The following TRAPPC9 variants were observed in gnomAD, a reference collection of about 807,000 sequenced individuals.
TRAPPC9 encodes IKK2 binding protein.
Under a neutral mutation model 124.0 loss-of-function variants are expected in TRAPPC9, and 83 were observed. The ratio of observed to expected loss-of-function variants is 0.67; its 90% CI spans 0.56 to 0.80. The LOEUF (loss-of-function observed/expected upper bound fraction) is 0.80, where lower values mean the gene tolerates loss of function less well. Ranked by LOEUF, TRAPPC9 falls within the 30% of genes least tolerant of loss-of-function variation. TRAPPC9 has a pLI of 0.00. For synonymous variants in TRAPPC9, 638 were observed against 617.5 expected, an observed-to-expected ratio of 1.03 and a Z score of -0.49; for missense variants, 1,302 against 1,508.3, an observed-to-expected ratio of 0.86 and a Z score of 2.27.
chr8:139,830,678 CAT>C (rs1338553816), intron 21 of TRAPPC9, among the ~76,000 whole-genome samples: 1 of 152,096 alleles, frequency 6.6e-6, no homozygotes, highest in African/African-American at 2.4e-5. Context: ...CATGCACACA[CAT>C]ACACATGCAT....
intron 19 of TRAPPC9, among the ~76,000 whole-genome samples, chr8:139,958,427 C>T (rs1835140447): frequency 6.6e-6 from 1 of 152,218 alleles, no homozygotes; most frequent in Non-Finnish European, 1.5e-5. Flanking sequence ...TTTGCCGACC[C>T]CAGTTTCCAG....
At chr8:140,366,847 C>T (rs1490942492) in intron 8 of TRAPPC9, among the ~76,000 whole-genome samples, 1 of 152,022 alleles carries the variant, frequency 6.6e-6, no homozygotes, top group Non-Finnish European at 1.5e-5. Flanking sequence ...GACTGTCATC[C>T]AAATCATAGA....
chr8:139,759,868 G>A (rs975241139), intron 21 of TRAPPC9, among the ~76,000 whole-genome samples: 3 of 152,144 alleles, frequency 2.0e-5, no homozygotes, highest in East Asian at 1.9e-4. Context: ...GCAGCCTGCC[G>A]GCAGCCAGCA....
At chr8:140,100,520 T>C (rs541457055) in intron 17 of TRAPPC9, 10 of 152,370 alleles carry the variant, frequency 6.6e-5, no homozygotes, top group Admixed American at 3.3e-4. Flanking sequence ...CCCGCCCAGG[T>C]CTTCCATGTA....
chr8:140,351,760 G>A (rs1428685776), intron 9 of TRAPPC9, among the ~76,000 whole-genome samples: 3 of 152,204 alleles, frequency 2.0e-5, no homozygotes, highest in Admixed American at 2.0e-4. Flanking sequence ...AATACTCAGG[G>A]ATGACTGTGC....
chr8:140,083,507 A>G (rs749951824), intron 17 of TRAPPC9, among the ~76,000 whole-genome samples: 2 of 152,124 alleles, frequency 1.3e-5, no homozygotes, highest in Non-Finnish European at 2.9e-5. Context: ...CGAGAACCAC[A>G]GAGAGAAAGG....
intron 15 of TRAPPC9, among the ~76,000 whole-genome samples, chr8:140,267,603 T>TACC (rs2064725672): frequency 6.6e-6 from 1 of 152,216 alleles, no homozygotes; most frequent in African/African-American, 2.4e-5. Flanking sequence ...CTCCATGAAG[T>TACC]ACCACTCACC....
chr8:139,733,772 C>T (rs571706599), intron 21 of TRAPPC9, among the ~76,000 whole-genome samples: 13 of 152,360 alleles, frequency 8.5e-5, no homozygotes, highest in African/African-American at 2.4e-4. Context: ...CACCCTGCAG[C>T]GGAGGATCCT....
chr8:140,051,150 C>T (rs1030172203), intron 17 of TRAPPC9, among the ~76,000 whole-genome samples: 1 of 152,214 alleles, frequency 6.6e-6, no homozygotes, highest in Non-Finnish European at 1.5e-5. Flanking sequence ...GAGAGAAGTG[C>T]CTTCATTCCT....
At chr8:140,402,397 CAAA>C (rs34659339) in intron 6 of TRAPPC9, among the ~76,000 whole-genome samples, 1 of 140,206 alleles carries the variant, frequency 7.1e-6, no homozygotes, top group African/African-American at 2.7e-5. Context: ...GACCCTGTCT[CAAA>C]AAAAAAAAAA....
At chr8:140,270,781 C>A (rs1490284426) in intron 15 of TRAPPC9, among the ~76,000 whole-genome samples, 2 of 152,160 alleles carry the variant, frequency 1.3e-5, no homozygotes, top group Non-Finnish European at 2.9e-5. Context: ...ATGGCAGGAG[C>A]ATCCAGGAAG....
chr8:139,799,797 A>T (rs999703211), intron 21 of TRAPPC9, among the ~76,000 whole-genome samples: 3 of 152,226 alleles, frequency 2.0e-5, no homozygotes, highest in African/African-American at 7.2e-5. Context: ...CTGCAGTCCC[A>T]CGGGCTGGGG....
intron 17 of TRAPPC9, among the ~76,000 whole-genome samples, chr8:140,033,843 T>G (rs561667642): frequency 5.3e-5 from 8 of 151,790 alleles, no homozygotes; most frequent in Non-Finnish European, 8.8e-5. Flanking sequence ...CACCATACCT[T>G]GTTAATTTTT....
At chr8:139,832,212 G>A (rs1299354556) in intron 21 of TRAPPC9, among the ~76,000 whole-genome samples, 1 of 152,240 alleles carries the variant, frequency 6.6e-6, no homozygotes, top group Non-Finnish European at 1.5e-5. Context: ...CCCTGTGAGT[G>A]CACTTTCTAA....
chr8:140,300,546 T>C lies in TRAPPC9; in HGVS notation c.1691A>G (p.Asn564Ser), dbSNP rs770803518. The change falls in exon 11 of 23, where the codon AAC (asparagine) becomes AGC (serine). Residue 564 changes from asparagine to serine, a missense_variant. Transcript: ENST00000438773. Reference protein sequence around the residue: ...PHKMKSLLGQNVSTKSPFIYS... With the variant: ...PHKMKSLLGQSVSTKSPFIYS... The stretch of plus-strand genomic sequence containing the variant: ...GATGAAAGGACTTTTGGTTGACACG[T>C]TCTGACCCAGCAAGCTTTTCATTTT... 33 of 1,614,122 alleles carry C rather than the reference T, an allele frequency of 2.0e-5. No homozygotes were observed. The South Asian group carries it at 3.5e-4, about 17-fold the overall frequency.
chr8:140,357,507 AC>A (rs1357634598), intron 9 of TRAPPC9, among the ~76,000 whole-genome samples: 75 of 152,102 alleles, frequency 4.9e-4, no homozygotes, highest in African/African-American at 1.6e-3. Context: ...CAGGGATGGC[AC>A]CCGAGATTCT....
intron 22 of TRAPPC9, 117 bp downstream of exon 22, chr8:139,731,862 C>A: frequency 1.0e-6 from 1 of 956,564 alleles, no homozygotes; most frequent in Non-Finnish European, 1.6e-6. Flanking sequence ...GACCACAGAA[C>A]CCCTGCTGCT....
At position 139,850,415 on chromosome 8, in the gene TRAPPC9, C is replaced by T. The variant is rs78798287; in HGVS notation, c.3055+35464G>A. ...CAAAGCACCAGTGCCCCTCATGGGG[C>T]AGGAGCTCTTGGTGGCTCTCTTGCC... On this transcript the variant is annotated intron_variant, in intron 21 of 22. Coordinates refer to ENST00000438773, the MANE Select transcript of TRAPPC9 (RefSeq NM_001160372.4). Among the ~76,000 whole-genome samples the T allele has an allele frequency of 2.9e-3, 445 of 152,336 alleles. 3 individuals carry two copies. Among genetic ancestry groups the T allele is most frequent in the African/African-American group, 0.011 (438 of 41,572 alleles).
At chr8:140,073,219 A>G (rs569483096) in intron 17 of TRAPPC9, among the ~76,000 whole-genome samples, 1 of 152,358 alleles carries the variant, frequency 6.6e-6, no homozygotes, top group East Asian at 1.9e-4. Flanking sequence ...CAATTTATCA[A>G]TATTTCCAAG....
Sources: gnomAD v4.1 joint callset for allele counts (sites outside exome capture counted in the v4.1 genomes callset) on GRCh38, gnomAD v4.1.1 for gene constraint, MANE v1.5 for transcripts, NCBI Gene and HGNC (gene_info 2026-07-23, HGNC 2026-07-21) for gene names.